The following FTO variants were observed in gnomAD, a reference collection of about 807,000 sequenced individuals.
FTO encodes the protein alpha-ketoglutarate-dependent dioxygenase FTO.
In FTO, 47 loss-of-function variants were observed where a neutral mutation model predicts 63.9. The observed-to-expected ratio is 0.74, with a 90% CI of 0.58 to 0.94. FTO has a LOEUF of 0.94. FTO is among the 40% of genes least tolerant of loss of function. The probability of loss-of-function intolerance (pLI) is 0.00; values close to 1 mark genes in which losing one functional copy is unlikely to be tolerated. For missense variants in FTO, 562 were observed against 618.1 expected (o/e 0.91, Z 0.96); for synonymous variants, 207 against 224.4 (o/e 0.92, Z 0.69).
chr16:54,087,056 T>C (rs2144536461), intron 8 of FTO, among the ~76,000 whole-genome samples: 1 of 152,340 alleles, frequency 6.6e-6, no homozygotes, highest in South Asian at 2.1e-4. Flanking sequence ...TTCCCCTGTC[T>C]TCAAGGCTTG....
intron 8 of FTO, among the ~76,000 whole-genome samples, chr16:54,094,286 G>A (rs1477440063): frequency 6.6e-6 from 1 of 152,212 alleles, no homozygotes; most frequent in Non-Finnish European, 1.5e-5. Context: ...AGCCTAAGGC[G>A]GTCTCTTTGG....
At chr16:53,881,168 G>T (rs1307981951) in intron 6 of FTO, among the ~76,000 whole-genome samples, 1 of 134,710 alleles carries the variant, frequency 7.4e-6, no homozygotes, top group African/African-American at 3.4e-5. Context: ...AAATAAAAAA[G>T]AATTTTGGAG....
intron 1 of FTO, among the ~76,000 whole-genome samples, chr16:53,737,780 T>TC (rs2076423662): frequency 6.6e-6 from 1 of 151,902 alleles, no homozygotes; most frequent in South Asian, 2.1e-4. Flanking sequence ...ACTCTACTCC[T>TC]CCCCCCAGCC....
chr16:54,102,568 GT>G (rs2086662377), intron 8 of FTO, among the ~76,000 whole-genome samples: 1 of 152,112 alleles, frequency 6.6e-6, no homozygotes, highest in East Asian at 1.9e-4. Context: ...AAGCCCTGAT[GT>G]TCATGGCTAT....
At chr16:53,778,570 T>C (rs758899029) in intron 1 of FTO, among the ~76,000 whole-genome samples, 9 of 152,160 alleles carry the variant, frequency 5.9e-5, no homozygotes, top group Non-Finnish European at 1.3e-4. Flanking sequence ...CCTTTGCCAA[T>C]CTACTGCACT....
intron 8 of FTO, among the ~76,000 whole-genome samples, chr16:54,041,498 G>T (rs1411418710): frequency 6.6e-6 from 1 of 152,106 alleles, no homozygotes. Context: ...GACCCACCTA[G>T]CGATTCAAAG....
intron 8 of FTO, among the ~76,000 whole-genome samples, chr16:53,967,235 T>C (rs567823324): frequency 2.8e-4 from 43 of 152,224 alleles, no homozygotes; most frequent in African/African-American, 8.7e-4. Context: ...TGTCCCTTTA[T>C]TTCTCCACGT....
At chr16:54,091,833 C>T (rs2086391111) in intron 8 of FTO, among the ~76,000 whole-genome samples, 1 of 152,208 alleles carries the variant, frequency 6.6e-6, no homozygotes, top group Admixed American at 6.5e-5. Context: ...CCACTCAGTG[C>T]CTCACTGTTT....
chr16:53,743,046 G>A (rs1438238794), intron 1 of FTO, among the ~76,000 whole-genome samples: 2 of 152,184 alleles, frequency 1.3e-5, no homozygotes, highest in African/African-American at 4.8e-5. Flanking sequence ...CTATCCATGA[G>A]TAAGTGAATC....
In FTO at chr16:53,891,075, C is replaced by G. The variant is rs150276500; in HGVS notation, c.1239+2124C>G. Among the ~76,000 whole-genome samples the G allele has an allele frequency of 4.9e-3, 750 of 151,640 alleles. 4 individuals carry two copies. The highest frequency in any genetic ancestry group is 7.3e-3 in the Non-Finnish European group (495 of 67,920). The stretch of plus-strand genomic sequence containing the variant: ...GCGCGATCTCAGCTCACTGCAACCT[C>G]CGCCTCCCGAGTTCAAGTGATTCTC... On this transcript the variant is annotated intron_variant, in intron 7 of 8. Coordinates refer to ENST00000471389, the MANE Select transcript of FTO (RefSeq NM_001080432.3).
At chr16:53,814,803 C>G (rs919143696) in intron 2 of FTO, 7 of 152,246 alleles carry the variant, frequency 4.6e-5, no homozygotes, top group Non-Finnish European at 7.3e-5. Context: ...CATTAAGTTA[C>G]TTACTCCATT....
intron 8 of FTO, among the ~76,000 whole-genome samples, chr16:53,951,732 G>T (rs569740223): frequency 6.6e-6 from 1 of 151,710 alleles, no homozygotes; most frequent in Non-Finnish European, 1.5e-5. Context: ...TATATTTTAC[G>T]TTAGGTTAGA....
At chr16:53,817,037 T>C (rs1414848345) in intron 2 of FTO, among the ~76,000 whole-genome samples, 1 of 152,228 alleles carries the variant, frequency 6.6e-6, no homozygotes, top group Non-Finnish European at 1.5e-5. Flanking sequence ...TCTCTTTTGG[T>C]TTCCATTTTG....
At chr16:53,877,781 A>C (rs1429471491) in intron 5 of FTO, among the ~76,000 whole-genome samples, 1 of 151,980 alleles carries the variant, frequency 6.6e-6, no homozygotes, top group Non-Finnish European at 1.5e-5. Context: ...TTATTTACAT[A>C]AAACAAAACA....
At chr16:53,788,797 T>A (rs571363139) in intron 1 of FTO, among the ~76,000 whole-genome samples, 2 of 152,212 alleles carry the variant, frequency 1.3e-5, no homozygotes, top group Admixed American at 1.3e-4. Context: ...TTGTACATAC[T>A]CTGTCCTCTA....
chr16:53,998,680 C>G (rs770372192), intron 8 of FTO: 2 of 152,250 alleles, frequency 1.3e-5, no homozygotes, highest in Non-Finnish European at 2.9e-5. Flanking sequence ...TTATGTTCCT[C>G]ATGGCTCCTG....
chr16:53,738,847 A>C (rs1210445460), intron 1 of FTO, among the ~76,000 whole-genome samples: 1 of 152,044 alleles, frequency 6.6e-6, no homozygotes, highest in East Asian at 1.9e-4. Flanking sequence ...ATTTAAAAAA[A>C]ATTTTTTTTT....
At chr16:54,013,743 T>G (rs1279340737) in intron 8 of FTO, among the ~76,000 whole-genome samples, 1 of 152,226 alleles carries the variant, frequency 6.6e-6, no homozygotes, top group Non-Finnish European at 1.5e-5. Context: ...ATCGAGTATT[T>G]TTAAGTATGT....
intron 2 of FTO, among the ~76,000 whole-genome samples, chr16:53,815,953 T>C (rs2078674372): frequency 6.6e-6 from 1 of 151,998 alleles, no homozygotes; most frequent in Non-Finnish European, 1.5e-5. Context: ...CCAGCTGCCA[T>C]TGACTTTCTG....
Sources: gnomAD v4.1 joint callset for allele counts (sites outside exome capture counted in the v4.1 genomes callset) on GRCh38, gnomAD v4.1.1 for gene constraint, MANE v1.5 for transcripts, NCBI Gene and HGNC (gene_info 2026-07-23, HGNC 2026-07-21) for gene names.